Variants in TRANK1 observed in about 807,000 individuals in gnomAD.
TRANK1 encodes tetratricopeptide repeat and ankyrin repeat containing 1, also known as TPR and ankyrin repeat-containing protein 1.
A neutral mutation model predicts 266.0 loss-of-function variants in TRANK1; 198 were observed. That is an observed-to-expected ratio of 0.74 (90% CI 0.66 to 0.84). The LOEUF (loss-of-function observed/expected upper bound fraction) is 0.84. Ranked by LOEUF, TRANK1 falls within the 40% of genes least tolerant of loss-of-function variation. The pLI, the probability that TRANK1 is intolerant of heterozygous loss-of-function variation, is 0.00. For missense variants in TRANK1, 3,326 were observed against 3,634.6 expected (o/e 0.92, Z 2.18); for synonymous variants, 1,396 against 1,384.1 (o/e 1.01, Z -0.19).
chr3:36,889,705 G>T, intron 8 of TRANK1, 124 bp downstream of exon 8: 1 of 1,293,400 alleles, frequency 7.7e-7, no homozygotes. Context: ...TAGTTCAAGG[G>T]GAAGTTTAGC....
Position 36,944,859 on chromosome 3 carries a change from C to T in TRANK1, c.-50G>A. The T allele has an allele frequency of 7.0e-7, 1 of 1,433,368 alleles. No individual in the cohort carries two copies. Among genetic ancestry groups the T allele is most frequent in the East Asian group, 3.0e-5 (1 of 32,928 alleles). 88.8% of individuals were successfully genotyped at this position (1,433,368 alleles called of 1,614,324 possible). A position where few individuals can be genotyped will look rare whatever the true frequency, so the allele number is the denominator to read the frequency against. On this transcript the variant is annotated 5_prime_UTR_variant, in exon 1 of 24. Coordinates refer to ENST00000645898, the MANE Select transcript of TRANK1 (RefSeq NM_001329998.2). Reference sequence around the variant, plus strand: ...AGGACCGCCGCCGCCTGGGGAAGCGCTTCCCTGTGGGCAGGGCGCGGCGGG... The same window carrying T: ...AGGACCGCCGCCGCCTGGGGAAGCGTTTCCCTGTGGGCAGGGCGCGGCGGG...
At chr3:36,918,820 G>T (rs951958867) in intron 1 of TRANK1, among the ~76,000 whole-genome samples, 1 of 152,040 alleles carries the variant, frequency 6.6e-6, no homozygotes, top group Non-Finnish European at 1.5e-5. Flanking sequence ...AAGTTTCCTC[G>T]GTTTTGTAGT....
chr3:36,943,692 A>G (rs1184326661), intron 1 of TRANK1, among the ~76,000 whole-genome samples: 2 of 151,440 alleles, frequency 1.3e-5, no homozygotes, highest in Non-Finnish European at 2.9e-5. Context: ...ACAGCCTTAT[A>G]TCAAAAAGGA....
At chr3:36,846,988 G>A (rs1374809994) in intron 16 of TRANK1, among the ~76,000 whole-genome samples, 3 of 152,016 alleles carry the variant, frequency 2.0e-5, no homozygotes, top group African/African-American at 7.2e-5. Context: ...TCCGTTTTCA[G>A]ACAGTATCCA....
upstream of TRANK1, chr3:36,945,077 G>A (rs1461061114): frequency 6.9e-6 from 3 of 435,328 alleles, no homozygotes; most frequent in African/African-American, 6.2e-5. Flanking sequence ...AGTTGCGAGA[G>A]CCCAAAAACT....
At position 36,828,159 on chromosome 3, in the gene TRANK1, A is replaced by G; in HGVS notation, c.*116T>C. The G allele has an allele frequency of 1.4e-6, 1 of 718,416 alleles. No individual in the cohort carries two copies. Among genetic ancestry groups the G allele is most frequent in the South Asian group, 1.7e-5 (1 of 57,876 alleles). The allele number at this position is 718,416 out of a possible 1,614,324, so 44.5% of individuals were successfully genotyped here. On this transcript the variant is annotated 3_prime_UTR_variant, in exon 24 of 24. Coordinates refer to ENST00000645898, the MANE Select transcript of TRANK1 (RefSeq NM_001329998.2). The stretch of plus-strand genomic sequence containing the variant: ...GAATAAAAAGCAATGGTGTTGTTAG[A>G]CTCCCCTATTTTTAAAATGCTAATT...
intron 8 of TRANK1, among the ~76,000 whole-genome samples, chr3:36,882,677 A>G (rs1457189065): frequency 1.3e-5 from 2 of 152,214 alleles, no homozygotes; most frequent in East Asian, 3.9e-4. Context: ...AAATTGCATG[A>G]CAAAAAACAA....
intron 1 of TRANK1, among the ~76,000 whole-genome samples, chr3:36,917,956 C>CT (rs1337855762): frequency 6.6e-6 from 1 of 152,106 alleles, no homozygotes; most frequent in Non-Finnish European, 1.5e-5. Flanking sequence ...TTGAGTAACA[C>CT]TACCCTAGAG....
intron 1 of TRANK1, among the ~76,000 whole-genome samples, chr3:36,939,915 G>A (rs900195642): frequency 4.6e-5 from 7 of 151,632 alleles, no homozygotes; most frequent in Non-Finnish European, 1.0e-4. Flanking sequence ...TTTTGAGACG[G>A]AGTCTTGCTT....
intron 3 of TRANK1, among the ~76,000 whole-genome samples, chr3:36,902,428 G>A (rs939599244): frequency 2.0e-5 from 3 of 152,336 alleles, no homozygotes; most frequent in Non-Finnish European, 4.4e-5. Context: ...GCCTCTGAAT[G>A]TAGTGCTCTT....
At chr3:36,902,824 C>T (rs116003074) in intron 3 of TRANK1, among the ~76,000 whole-genome samples, 2,008 of 152,350 alleles carry the variant, frequency 0.013, 31 homozygotes, top group African/African-American at 0.043. Context: ...TCTGTGATCT[C>T]CATTGTGCTC....
intron 1 of TRANK1, among the ~76,000 whole-genome samples, chr3:36,923,501 C>A (rs1020257218): frequency 1.3e-5 from 2 of 152,124 alleles, no homozygotes; most frequent in African/African-American, 4.8e-5. Flanking sequence ...GGTGATCCAC[C>A]TGCCTCGGCA....
chr3:36,842,012 C>T (rs1270733280), intron 18 of TRANK1, among the ~76,000 whole-genome samples: 1 of 152,216 alleles, frequency 6.6e-6, no homozygotes, highest in Non-Finnish European at 1.5e-5. Flanking sequence ...ACCCAAAACC[C>T]TGTGATGTGC....
intron 1 of TRANK1, among the ~76,000 whole-genome samples, chr3:36,937,012 G>T (rs2080434466): frequency 6.6e-6 from 1 of 152,118 alleles, no homozygotes; most frequent in Non-Finnish European, 1.5e-5. Context: ...AGGGAGAATT[G>T]CTTGAGCCCG....
At chr3:36,852,413 TG>T in intron 13 of TRANK1, 68 bp from the exon 14 acceptor site, 1 of 1,405,514 alleles carries the variant, frequency 7.1e-7, no homozygotes, top group Non-Finnish European at 9.5e-7. Context: ...TTATTTGGGG[TG>T]GGGGACATGT....
chr3:36,857,452 G>C lies in TRANK1; in HGVS notation c.2270C>G (p.Ser757Cys), dbSNP rs368035617. The C allele has an allele frequency of 2.8e-4, 451 of 1,613,990 alleles. No homozygotes were observed. The highest frequency in any genetic ancestry group is 3.6e-4 in the Non-Finnish European group (429 of 1,179,882). The change falls in exon 13 of 24, where the codon TCT becomes TGT. Residue 757 changes from serine to cysteine, a missense_variant. Physicochemically the swap from Ser to Cys is moderately radical, Grantham distance 112 (BLOSUM62 -1). Coordinates refer to ENST00000645898, the MANE Select transcript of TRANK1 (RefSeq NM_001329998.2). This position sits in a 1 kb window ranked among gnomAD's most constrained non-coding sequence, Gnocchi z 4.3. ...GCCAGCTCCTGCCTCCAGAGGCTCA[G>C]AGCTCTGAAGACAGTCCTCTGGGAA... Reference protein sequence around the residue: ...PSFPEDCLQSSEPLEAGAGKE... With the variant: ...PSFPEDCLQSCEPLEAGAGKE...
At chr3:36,912,535 CTA>C (rs1424604093) in intron 1 of TRANK1, among the ~76,000 whole-genome samples, 3 of 152,228 alleles carry the variant, frequency 2.0e-5, no homozygotes, top group Non-Finnish European at 2.9e-5. Context: ...GAAATTTTCA[CTA>C]TGTCTCTATG....
intron 10 of TRANK1, among the ~76,000 whole-genome samples, chr3:36,861,849 G>A (rs2079147330): frequency 6.6e-6 from 1 of 151,528 alleles, no homozygotes; most frequent in South Asian, 2.1e-4. Flanking sequence ...GGGACTACAG[G>A]CGCCCGCCAC....
In TRANK1 at chr3:36,833,106, T is replaced by C. The variant is rs1258354946; in HGVS notation, c.6477A>G (p.Ile2159Met). The C allele has an allele frequency of 3.7e-6, 6 of 1,612,204 alleles. No homozygotes were observed. Among genetic ancestry groups the C allele is most frequent in the Admixed American group, 3.3e-5 (2 of 59,728 alleles). ...GGGCTAATTTCACTTGGTCAGTCAT[T>C]ATCAAAAAATGATCTTTTGTTTTTT... ...REKKTKDHFLIMTDQVKLALN... is the reference protein window; with the variant it reads ...REKKTKDHFLMMTDQVKLALN... The change falls in exon 22 of 24, where the codon ATA becomes ATG. Residue 2159 changes from isoleucine (I) to methionine (M), a missense_variant. Physicochemically the swap from Ile to Met is conservative, Grantham distance 10 (BLOSUM62 1). Transcript: ENST00000645898.
Sources: gnomAD v4.1 joint callset for allele counts (sites outside exome capture counted in the v4.1 genomes callset) on GRCh38, gnomAD v4.1.1 for gene constraint, Gnocchi (gnomAD v3.1) non-coding constraint, MANE v1.5 for transcripts, NCBI Gene and HGNC (gene_info 2026-07-23, HGNC 2026-07-21) for gene names.